ATP10B: variants seen among roughly 807,000 people sequenced by gnomAD.
ATP10B encodes phospholipid-transporting ATPase VB.
In ATP10B, 122 loss-of-function variants were observed where a neutral mutation model predicts 141.2. The ratio of observed to expected loss-of-function variants is 0.86; its 90% CI spans 0.75 to 1.00. ATP10B has a LOEUF of 1.00. Among genes scored for constraint, ATP10B ranks in the 50% least tolerant of loss-of-function variants. ATP10B has a pLI of 0.00. For missense variants in ATP10B, 1,876 were observed against 1,825.3 expected (o/e 1.03, Z -0.51); for synonymous variants, 685 against 692.0 (o/e 0.99, Z 0.16).
At chr5:160,652,173 A>AC (rs1306679344) in intron 7 of ATP10B, among the ~76,000 whole-genome samples, 121 of 152,102 alleles carry the variant, frequency 8.0e-4, no homozygotes, top group African/African-American at 2.3e-3. Flanking sequence ...TTTCCTGCTG[A>AC]GCACAGGACT....
the ATP10B span, among the ~76,000 whole-genome samples, chr5:160,895,440 CA>C: frequency 3.4e-4 from 52 of 151,656 alleles, 2 homozygotes; most frequent in South Asian, 2.9e-3. Context: ...CCAACAAAGA[CA>C]AAAAAAGACA....
At chr5:160,886,042 G>A in the ATP10B span, among the ~76,000 whole-genome samples, 3 of 152,182 alleles carry the variant, frequency 2.0e-5, no homozygotes, top group Non-Finnish European at 2.9e-5. Flanking sequence ...AATCACCGAA[G>A]AATCAGATTC....
At chr5:160,895,552 G>A in the ATP10B span, among the ~76,000 whole-genome samples, 1 of 152,148 alleles carries the variant, frequency 6.6e-6, no homozygotes, top group Non-Finnish European at 1.5e-5. Context: ...CATACAGCAA[G>A]TTCTTAGGGA....
chr5:160,618,276 G>T (rs971039259), intron 15 of ATP10B, among the ~76,000 whole-genome samples: 1 of 152,200 alleles, frequency 6.6e-6, no homozygotes, highest in African/African-American at 2.4e-5. Flanking sequence ...CATGAGAACC[G>T]CCTGGGAATT....
intron 9 of ATP10B, among the ~76,000 whole-genome samples, chr5:160,642,465 G>A (rs1419286310): frequency 1.3e-5 from 2 of 152,134 alleles, no homozygotes; most frequent in Non-Finnish European, 2.9e-5. Context: ...CTCTCACCAG[G>A]AGTGATTTTA....
intron 7 of ATP10B, among the ~76,000 whole-genome samples, chr5:160,650,183 T>C (rs184526429): frequency 6.6e-6 from 1 of 151,198 alleles, no homozygotes; most frequent in East Asian, 1.9e-4. Flanking sequence ...TACATATATA[T>C]ATACATGTAC....
At chr5:160,587,018 C>A (rs1755953688) in intron 24 of ATP10B, among the ~76,000 whole-genome samples, 1 of 152,196 alleles carries the variant, frequency 6.6e-6, no homozygotes, top group Non-Finnish European at 1.5e-5. Flanking sequence ...GTCATGAAAT[C>A]TTTGCCTGTG....
At chr5:160,637,149 CATCT>C (rs1340400584) in intron 10 of ATP10B, among the ~76,000 whole-genome samples, 3 of 150,990 alleles carry the variant, frequency 2.0e-5, no homozygotes, top group Admixed American at 6.6e-5. Context: ...TCCATCCATC[CATCT>C]GTCCATCCAT....
At chr5:160,861,884 C>T in the ATP10B span, among the ~76,000 whole-genome samples, 1 of 151,842 alleles carries the variant, frequency 6.6e-6, no homozygotes, top group Non-Finnish European at 1.5e-5. Context: ...ATATCTATTA[C>T]ATCTTAACAA....
intron 1 of ATP10B, among the ~76,000 whole-genome samples, chr5:160,799,990 T>C (rs542575179): frequency 1.3e-5 from 2 of 152,328 alleles, no homozygotes; most frequent in Middle Eastern, 3.4e-3. Context: ...ATGTTGCATA[T>C]TCTTCATATC....
intron 1 of ATP10B, among the ~76,000 whole-genome samples, chr5:160,805,262 A>G (rs1772695100): frequency 6.6e-6 from 1 of 152,212 alleles, no homozygotes; most frequent in African/African-American, 2.4e-5. Flanking sequence ...GTTGAAATTT[A>G]TGTGCTGATG....
intron 3 of ATP10B, among the ~76,000 whole-genome samples, chr5:160,695,269 A>T (rs1764292410): frequency 6.6e-6 from 1 of 152,088 alleles, no homozygotes; most frequent in South Asian, 2.1e-4. Context: ...AGTGAAAATG[A>T]CTCCACTCTA....
chr5:160,742,110 A>G (rs923830959), intron 2 of ATP10B, among the ~76,000 whole-genome samples: 19 of 152,180 alleles, frequency 1.2e-4, no homozygotes, highest in African/African-American at 4.6e-4. Context: ...CTCTTAGTCT[A>G]TTGGGTTAAA....
intron 1 of ATP10B, among the ~76,000 whole-genome samples, chr5:160,844,100 A>G (rs11951937): frequency 0.03 from 4,511 of 152,288 alleles, 239 homozygotes; most frequent in African/African-American, 0.1. Flanking sequence ...TCCAACAACC[A>G]TGGTGGGAAT....
chr5:160,814,896 A>G (rs539669099), intron 1 of ATP10B, among the ~76,000 whole-genome samples: 127 of 152,214 alleles, frequency 8.3e-4, no homozygotes, highest in Non-Finnish European at 1.1e-3. Context: ...AGCTTCATAA[A>G]TGAAGGAGAA....
the ATP10B span, among the ~76,000 whole-genome samples, chr5:160,928,542 G>A: frequency 6.6e-6 from 1 of 152,092 alleles, no homozygotes; most frequent in African/African-American, 2.4e-5. Context: ...ACCCTCATTG[G>A]CTCAGTTAAC....
intron 24 of ATP10B, among the ~76,000 whole-genome samples, chr5:160,571,209 T>G (rs1754855364): frequency 6.6e-6 from 1 of 152,180 alleles, no homozygotes. Flanking sequence ...GTCAGACCAC[T>G]TAAAATATCA....
At chr5:160,731,895 C>T (rs1298954437) in intron 2 of ATP10B, among the ~76,000 whole-genome samples, 1 of 152,108 alleles carries the variant, frequency 6.6e-6, no homozygotes, top group East Asian at 1.9e-4. Flanking sequence ...TAAGTGCCTG[C>T]TAAAATAAAA....
intron 10 of ATP10B, among the ~76,000 whole-genome samples, chr5:160,637,025 C>CATCCATCCATGA (rs1420405908): frequency 0.11 from 10,947 of 100,054 alleles, 1,128 homozygotes; most frequent in East Asian, 0.28. Flanking sequence ...TCTATCCATC[C>CATCCATCCATGA]ATCCATCCAT....
Sources: allele counts gnomAD v4.1 joint callset (sites outside exome capture counted in the v4.1 genomes callset), GRCh38; gene constraint gnomAD v4.1.1; transcripts MANE v1.5; gene names NCBI Gene and HGNC (gene_info 2026-07-23, HGNC 2026-07-21).